Variants in ZGRF1 observed in about 807,000 individuals in gnomAD.
The protein encoded by ZGRF1 is 5'-3' DNA helicase ZGRF1.
A neutral mutation model predicts 203.5 loss-of-function variants in ZGRF1; 196 were observed. That is an observed-to-expected ratio of 0.96 (90% CI 0.86 to 1.08). The LOEUF (loss-of-function observed/expected upper bound fraction) is 1.08. Ranked by LOEUF, ZGRF1 falls within the 50% of genes least tolerant of loss-of-function variation. ZGRF1 has a pLI of 0.00. For missense variants in ZGRF1, 2,326 were observed against 2,416.3 expected (o/e 0.96, Z 0.78); for synonymous variants, 809 against 841.3 (o/e 0.96, Z 0.66).
At chr4:112,613,478 G>T (rs112390957) in intron 6 of ZGRF1, among the ~76,000 whole-genome samples, 1 of 141,208 alleles carries the variant, frequency 7.1e-6, no homozygotes, top group Non-Finnish European at 1.5e-5. Flanking sequence ...TGAAAAAAGA[G>T]AGACACAAAA....
intron 3 of ZGRF1, among the ~76,000 whole-genome samples, chr4:112,631,582 G>C (rs1267271295): frequency 6.6e-6 from 1 of 152,062 alleles, no homozygotes; most frequent in African/African-American, 2.4e-5. Flanking sequence ...TGAGGCAGGA[G>C]AATCGTTTGA....
At chr4:112,609,865 G>A (rs1578437746) in intron 7 of ZGRF1, among the ~76,000 whole-genome samples, 1 of 152,208 alleles carries the variant, frequency 6.6e-6, no homozygotes, top group South Asian at 2.1e-4. Context: ...AACTGGCCAG[G>A]CATTGTGGCT....
chr4:112,578,324 G>A (rs11936819), intron 16 of ZGRF1, among the ~76,000 whole-genome samples: 2,541 of 121,788 alleles, frequency 0.021, 633 homozygotes, highest in Middle Eastern at 0.071. Flanking sequence ...AAGCAGGAAA[G>A]ATCTAAAATT....
At chr4:112,567,747 A>G (rs1423974836) in intron 16 of ZGRF1, among the ~76,000 whole-genome samples, 3 of 152,122 alleles carry the variant, frequency 2.0e-5, no homozygotes, top group African/African-American at 7.2e-5. Context: ...GCAACATAGC[A>G]AGACCCCATG....
chr4:112,603,907 T>C (rs1014803739), intron 9 of ZGRF1, among the ~76,000 whole-genome samples: 1 of 152,162 alleles, frequency 6.6e-6, no homozygotes, highest in Non-Finnish European at 1.5e-5. Flanking sequence ...TCGATTTAAC[T>C]ACATTTAAGT....
intron 16 of ZGRF1, among the ~76,000 whole-genome samples, chr4:112,579,799 C>G (rs1745888598): frequency 8.2e-6 from 1 of 121,284 alleles, no homozygotes; most frequent in Non-Finnish European, 1.8e-5. Flanking sequence ...AAGAACATTC[C>G]AAGCTCATGG....
rs764441673 is a variant in ZGRF1, at chr4:112,539,889, C to G, written c.6146G>C (p.Trp2049Ser). The part of the protein sequence containing the change: ...NLACLRKNQL[W>S]GRVIQHCEGR... ...TTCGCAGTGTTGGATCACTCGTCCC[C>G]AAAGTTGATTTTTCCTCAAACAGGC... Residue 2049 changes from tryptophan to serine, a missense_variant, in exon 27 of 28, where the codon TGG (tryptophan) becomes TCG (serine). By Grantham distance (177) the Trp-to-Ser change is radical. Coordinates refer to ENST00000505019, the MANE Select transcript of ZGRF1 (RefSeq NM_018392.5). 1 of 1,613,838 alleles carries G rather than the reference C, an allele frequency of 6.2e-7. No individual in the cohort carries two copies. Among genetic ancestry groups the G allele is most frequent in the Non-Finnish European group, 8.5e-7 (1 of 1,179,788 alleles).
intron 22 of ZGRF1, among the ~76,000 whole-genome samples, chr4:112,548,813 T>G (rs1025057960): frequency 1.3e-5 from 2 of 151,656 alleles, no homozygotes; most frequent in African/African-American, 4.8e-5. Flanking sequence ...TTAGTTTTAT[T>G]TATTTAAAAA....
chr4:112,565,016 A>C, intron 16 of ZGRF1: 1 of 961,496 alleles, frequency 1.0e-6, no homozygotes, highest in Non-Finnish European at 1.7e-6. Context: ...ACTGCCCACA[A>C]ATCAACCGGT....
rs779474536 is a variant in ZGRF1, at chr4:112,539,680, T to C, written c.6182A>G (p.Asp2061Gly). 25 of 1,594,604 alleles carry C rather than the reference T, an allele frequency of 1.6e-5. No homozygotes were observed. The Admixed American group carries it at 2.7e-4, about 17-fold the overall frequency. ...ATACTGGTTTGCATGTTGCAATCCA[T>C]CTTCCCTTCCTTAAAAAAACATACG... ...RVIQHCEGRE[D>G]GLQHANQYEP... Residue 2061 changes from aspartate (D) to glycine (G), a missense_variant, in exon 28 of 28, where the codon GAT becomes GGT. Physicochemically the swap from Asp to Gly is moderately conservative, Grantham distance 94. Transcript: ENST00000505019.
At chr4:112,586,199 C>T (rs984260051) in intron 13 of ZGRF1, among the ~76,000 whole-genome samples, 2 of 151,172 alleles carry the variant, frequency 1.3e-5, no homozygotes, top group African/African-American at 4.9e-5. Context: ...AAGACTGCTC[C>T]ACTGCACTCC....
At chr4:112,628,929 T>TA (rs1030303407) in intron 3 of ZGRF1, 18 of 367,542 alleles carry the variant, frequency 4.9e-5, no homozygotes, top group Non-Finnish European at 6.8e-5. Context: ...TTTATGTATT[T>TA]AAAAAAAATA....
chr4:112,630,766 T>C (rs145460178), intron 3 of ZGRF1, among the ~76,000 whole-genome samples: 1,644 of 151,884 alleles, frequency 0.011, 13 homozygotes, highest in Non-Finnish European at 0.018. Flanking sequence ...TGGTGGCACC[T>C]GTAGTCCCAG....
chr4:112,607,879 T>C (rs1183497744), intron 8 of ZGRF1: 1 of 152,098 alleles, frequency 6.6e-6, no homozygotes, highest in Non-Finnish European at 1.5e-5. Flanking sequence ...AGGTCAAGGC[T>C]GCAGTGAGCT....
At chr4:112,552,089 C>A (rs960024385) in intron 22 of ZGRF1, among the ~76,000 whole-genome samples, 1 of 151,914 alleles carries the variant, frequency 6.6e-6, no homozygotes, top group Admixed American at 6.6e-5. Context: ...ACCAGCCTGG[C>A]CAACACTGTG....
chr4:112,569,567 C>G (rs994435293), intron 16 of ZGRF1, among the ~76,000 whole-genome samples: 4 of 151,942 alleles, frequency 2.6e-5, no homozygotes, highest in Non-Finnish European at 5.9e-5. Flanking sequence ...AGGGGAAGAA[C>G]CAAGGGATGT....
intron 16 of ZGRF1, 126 bp from the exon 17 acceptor site, chr4:112,563,400 G>A (rs924124706): frequency 4.8e-6 from 3 of 618,856 alleles, no homozygotes; most frequent in Non-Finnish European, 7.7e-6. Context: ...TACACAAGAT[G>A]AGAAGTAAAG....
At chr4:112,608,265 C>T (rs1046873824) in intron 8 of ZGRF1, among the ~76,000 whole-genome samples, 24 of 152,004 alleles carry the variant, frequency 1.6e-4, no homozygotes, top group Admixed American at 2.6e-4. Flanking sequence ...TCATTCTAAG[C>T]GAAAAAATAA....
chr4:112,621,669 T>G (rs895583336), intron 4 of ZGRF1, among the ~76,000 whole-genome samples: 1 of 147,506 alleles, frequency 6.8e-6, no homozygotes, highest in South Asian at 2.1e-4. Context: ...AAAAAAAAAA[T>G]TATCAGCTGA....
Sources: allele counts gnomAD v4.1 joint callset (sites outside exome capture counted in the v4.1 genomes callset), GRCh38; gene constraint gnomAD v4.1.1; transcripts MANE v1.5; gene names NCBI Gene and HGNC (gene_info 2026-07-23, HGNC 2026-07-21).